Variants in ELAVL2 observed in about 807,000 individuals in gnomAD.
The protein encoded by ELAVL2 is ELAV like RNA binding protein 2, also known as ELAV-like protein 2.
In ELAVL2, 4 loss-of-function variants were observed where a neutral mutation model predicts 34.6. That is an observed-to-expected ratio of 0.12 (90% CI 0.06 to 0.26). ELAVL2 has a LOEUF of 0.26. ELAVL2 is among the 10% of genes least tolerant of loss of function. ELAVL2 has a pLI of 1.00. For synonymous variants in ELAVL2, 193 were observed against 154.8 expected (o/e 1.25, Z -1.83); for missense variants, 432 against 442.8 (o/e 0.98, Z 0.22).
intron 2 of ELAVL2, among the ~76,000 whole-genome samples, chr9:23,738,063 G>T (rs995832688): frequency 6.6e-6 from 1 of 152,142 alleles, no homozygotes; most frequent in African/African-American, 2.4e-5. Flanking sequence ...CAAATATATT[G>T]TATTTCTTCA....
intron 1 of ELAVL2, among the ~76,000 whole-genome samples, chr9:23,818,958 G>A (rs1188401204): frequency 1.3e-5 from 2 of 152,206 alleles, no homozygotes; most frequent in East Asian, 3.8e-4. Context: ...TTAAAAAAAT[G>A]TCTTTCAGCA....
chr9:23,783,753 GT>G, intron 1 of ELAVL2, among the ~76,000 whole-genome samples: 1 of 152,102 alleles, frequency 6.6e-6, no homozygotes, highest in Non-Finnish European at 1.5e-5. Flanking sequence ...ACGCAATCTG[GT>G]AAGTGTGAGA....
chr9:23,718,903 C>G (rs545639400), intron 3 of ELAVL2, among the ~76,000 whole-genome samples: 2 of 152,248 alleles, frequency 1.3e-5, no homozygotes, highest in East Asian at 3.9e-4. Context: ...TATTAGACAC[C>G]TGAGCTGTAT....
chr9:23,734,099 G>T (rs1442137277), intron 2 of ELAVL2, among the ~76,000 whole-genome samples: 2 of 152,038 alleles, frequency 1.3e-5, no homozygotes, highest in African/African-American at 2.4e-5. Context: ...TATGAAAGGG[G>T]GTATCTGCTA....
At chr9:23,756,286 G>A (rs1488692593) in intron 2 of ELAVL2, among the ~76,000 whole-genome samples, 1 of 152,174 alleles carries the variant, frequency 6.6e-6, no homozygotes, top group Non-Finnish European at 1.5e-5. Flanking sequence ...GCCTTATCAT[G>A]CAAGGCACTA....
chr9:23,727,317 G>A (rs779196015), intron 3 of ELAVL2, among the ~76,000 whole-genome samples: 5 of 152,082 alleles, frequency 3.3e-5, no homozygotes, highest in Non-Finnish European at 7.4e-5. Flanking sequence ...CCTACTATGA[G>A]ACGGATACGT....
chr9:23,789,907 C>T (rs187777499), intron 1 of ELAVL2, among the ~76,000 whole-genome samples: 30 of 152,164 alleles, frequency 2.0e-4, no homozygotes, highest in African/African-American at 6.5e-4. Flanking sequence ...AAACCCTTTC[C>T]TGAATGTATA....
chr9:23,815,657 A>C (rs1257284489), intron 1 of ELAVL2, among the ~76,000 whole-genome samples: 1 of 152,176 alleles, frequency 6.6e-6, no homozygotes, highest in Non-Finnish European at 1.5e-5. Context: ...GATTTTATAC[A>C]CAATCAAAGG....
chr9:23,771,585 A>T (rs189659064), intron 1 of ELAVL2, among the ~76,000 whole-genome samples: 1 of 152,154 alleles, frequency 6.6e-6, no homozygotes, highest in South Asian at 2.1e-4. Context: ...GAATCAACTG[A>T]TTCATTTAGG....
chr9:23,778,764 T>G (rs1198552231), intron 1 of ELAVL2, among the ~76,000 whole-genome samples: 1 of 152,150 alleles, frequency 6.6e-6, no homozygotes, highest in Non-Finnish European at 1.5e-5. Flanking sequence ...GTGAAAATAT[T>G]CTAATGAATA....
In ELAVL2 at chr9:23,826,188, G is replaced by A. The variant is rs1017146177; in HGVS notation, c.-398C>T. On this transcript the variant is annotated 5_prime_UTR_variant, in exon 1 of 7. Transcript: ENST00000397312. ...GTTGCTTTTTAGTAGGTCGCTACAG[G>A]AGTAAGCTGCTGCATCTCTAACTAA... 2 of 152,246 alleles carry A rather than the reference G, an allele frequency of 1.3e-5. No individual in the cohort carries two copies. Among genetic ancestry groups the A allele is most frequent in the Non-Finnish European group, 2.9e-5 (2 of 68,056 alleles). 9.4% of individuals were successfully genotyped at this position (152,246 alleles called of 1,614,324 possible). A position where few individuals can be genotyped will look rare whatever the true frequency, so the allele number is the denominator to read the frequency against.
At chr9:23,810,662 T>C (rs1290077784) in intron 1 of ELAVL2, among the ~76,000 whole-genome samples, 2 of 152,166 alleles carry the variant, frequency 1.3e-5, no homozygotes, top group East Asian at 1.9e-4. Context: ...CTGGGATCCA[T>C]GGAAAGAGGT....
intron 1 of ELAVL2, chr9:23,779,152 T>G: frequency 2.0e-6 from 2 of 976,350 alleles, no homozygotes; most frequent in Non-Finnish European, 2.4e-6. Flanking sequence ...CTAAAAACTG[T>G]CTCATGACAA....
chr9:23,788,489 T>A (rs906015233), intron 1 of ELAVL2, among the ~76,000 whole-genome samples: 2 of 152,190 alleles, frequency 1.3e-5, no homozygotes, highest in African/African-American at 4.8e-5. Flanking sequence ...ATACCTATGA[T>A]AAAATTTAAT....
chr9:23,718,507 A>G (rs923800040), intron 3 of ELAVL2, among the ~76,000 whole-genome samples: 2 of 152,212 alleles, frequency 1.3e-5, no homozygotes, highest in Admixed American at 1.3e-4. Flanking sequence ...AAAAGCAGTA[A>G]CAGCAAACAC....
In ELAVL2 at chr9:23,771,367, A is replaced by C. The variant is rs185084027; in HGVS notation, c.-15-9118T>G. Among the ~76,000 whole-genome samples, 4 of 152,264 alleles carry C rather than the reference A, an allele frequency of 2.6e-5. No individual in the cohort carries two copies. The East Asian group carries it at 7.7e-4, about 29-fold the overall frequency. On this transcript the variant is annotated intron_variant, in intron 1 of 6. Coordinates refer to ENST00000397312, the MANE Select transcript of ELAVL2 (RefSeq NM_004432.5). ...TGGACACTAAGAACACAAGATGAAT[A>C]AGCAAAGGAAGAGATTTTATGGACA...
chr9:23,841,918 G>A, the ELAVL2 span, among the ~76,000 whole-genome samples: 1 of 152,012 alleles, frequency 6.6e-6, no homozygotes, highest in Non-Finnish European at 1.5e-5. Context: ...TTAAAATTAA[G>A]TAAACTTTTT....
At chr9:23,735,775 T>A (rs1270088923) in intron 2 of ELAVL2, among the ~76,000 whole-genome samples, 1 of 152,190 alleles carries the variant, frequency 6.6e-6, no homozygotes, top group Non-Finnish European at 1.5e-5. Flanking sequence ...AGAACAGTTA[T>A]AAACAGGCTG....
intron 2 of ELAVL2, among the ~76,000 whole-genome samples, chr9:23,740,923 G>A (rs551339913): frequency 1.4e-4 from 21 of 152,244 alleles, no homozygotes; most frequent in South Asian, 2.1e-4. Flanking sequence ...GCTTTCATAC[G>A]CATAGCATGA....
Sources: gnomAD v4.1 joint callset for allele counts (sites outside exome capture counted in the v4.1 genomes callset) on GRCh38, gnomAD v4.1.1 for gene constraint, MANE v1.5 for transcripts, NCBI Gene and HGNC (gene_info 2026-07-23, HGNC 2026-07-21) for gene names.